NME7: variants seen among roughly 807,000 people sequenced by gnomAD.
NME7 encodes the protein nucleoside diphosphate kinase 7.
In NME7, 41 loss-of-function variants were observed where a neutral mutation model predicts 49.1. The observed-to-expected ratio is 0.83, with a 90% CI of 0.65 to 1.08. The LOEUF (loss-of-function observed/expected upper bound fraction) is 1.08, where lower values mean the gene tolerates loss of function less well. Ranked by LOEUF, NME7 falls within the 50% of genes least tolerant of loss-of-function variation. The probability of loss-of-function intolerance (pLI) is 0.00; values close to 1 mark genes in which losing one functional copy is unlikely to be tolerated. For missense variants in NME7, 423 were observed against 463.4 expected (o/e 0.91, Z 0.80); for synonymous variants, 139 against 150.6 (o/e 0.92, Z 0.56).
intron 4 of NME7, among the ~76,000 whole-genome samples, chr1:169,306,430 G>A (rs756505464): frequency 6.6e-5 from 10 of 152,140 alleles, no homozygotes; most frequent in Non-Finnish European, 1.2e-4. Context: ...AGCCTATGTT[G>A]ATACGTTGAA....
intron 7 of NME7, among the ~76,000 whole-genome samples, chr1:169,258,403 T>C (rs2901033): frequency 0.012 from 857 of 68,564 alleles, 44 homozygotes; most frequent in African/African-American, 0.042. Context: ...TATATATATA[T>C]ATACACACAC....
chr1:169,154,796 TAAA>T (rs762299673), intron 11 of NME7, among the ~76,000 whole-genome samples: 1 of 134,610 alleles, frequency 7.4e-6, no homozygotes. Context: ...AGACTCTGTC[TAAA>T]AAAAAAAAAA....
At chr1:169,160,601 A>G (rs1382178605) in intron 11 of NME7, among the ~76,000 whole-genome samples, 1 of 152,208 alleles carries the variant, frequency 6.6e-6, no homozygotes, top group African/African-American at 2.4e-5. Flanking sequence ...GAGTCACACT[A>G]AATAGGTTAA....
chr1:169,227,232 G>A (rs1004467924), intron 10 of NME7, among the ~76,000 whole-genome samples: 2 of 152,180 alleles, frequency 1.3e-5, no homozygotes, highest in South Asian at 2.1e-4. Context: ...CATTCCTTGC[G>A]CTGAACATTA....
At chr1:169,226,619 T>C (rs1481247695) in intron 10 of NME7, among the ~76,000 whole-genome samples, 1 of 152,206 alleles carries the variant, frequency 6.6e-6, no homozygotes, top group East Asian at 1.9e-4. Context: ...CTCAGGAGTC[T>C]GAGACACAAG....
chr1:169,239,078 A>T (rs1264694031), intron 7 of NME7, among the ~76,000 whole-genome samples: 1 of 152,050 alleles, frequency 6.6e-6, no homozygotes, highest in Non-Finnish European at 1.5e-5. Context: ...AAACACTGCC[A>T]AAAGAAATGA....
At chr1:169,351,706 G>A (rs1653179163) in intron 1 of NME7, among the ~76,000 whole-genome samples, 1 of 151,142 alleles carries the variant, frequency 6.6e-6, no homozygotes, top group African/African-American at 2.4e-5. Context: ...TAGACAGAAG[G>A]CCCAAACAAA....
chr1:169,361,534 G>C (rs951162719), intron 1 of NME7, among the ~76,000 whole-genome samples: 2 of 152,164 alleles, frequency 1.3e-5, no homozygotes, highest in Non-Finnish European at 2.9e-5. Context: ...AATCCCAGCA[G>C]TTTGGAAGGC....
At chr1:169,228,162 T>A (rs1424409343) in intron 10 of NME7, among the ~76,000 whole-genome samples, 10 of 152,044 alleles carry the variant, frequency 6.6e-5, no homozygotes. Flanking sequence ...TCCTGCCTTA[T>A]CCTCCCAAAA....
chr1:169,224,056 A>T (rs1433153724), intron 10 of NME7, among the ~76,000 whole-genome samples: 1 of 152,134 alleles, frequency 6.6e-6, no homozygotes, highest in Non-Finnish European at 1.5e-5. Flanking sequence ...CATATCTGTC[A>T]TCATCTATTC....
intron 1 of NME7, among the ~76,000 whole-genome samples, chr1:169,336,921 T>C (rs2101955627): frequency 6.6e-6 from 1 of 152,180 alleles, no homozygotes; most frequent in African/African-American, 2.4e-5. Context: ...TTGAGCTAGA[T>C]ACAGAGTGCC....
chr1:169,156,025 T>C (rs1199934550), intron 11 of NME7, among the ~76,000 whole-genome samples: 1 of 151,966 alleles, frequency 6.6e-6, no homozygotes, highest in Non-Finnish European at 1.5e-5. Context: ...TCCGTATTTT[T>C]AAAAAGCCCA....
chr1:169,235,544 C>A (rs1647823911), intron 8 of NME7, among the ~76,000 whole-genome samples: 1 of 151,972 alleles, frequency 6.6e-6, no homozygotes, highest in South Asian at 2.1e-4. Flanking sequence ...AGCAGTCTGA[C>A]CCCATTGATA....
chr1:169,349,732 A>G (rs1389448519), intron 1 of NME7, among the ~76,000 whole-genome samples: 1 of 152,166 alleles, frequency 6.6e-6, no homozygotes, highest in African/African-American at 2.4e-5. Context: ...CAAATTTTCC[A>G]AAATTAAGTC....
chr1:169,298,592 T>A lies in NME7; in HGVS notation c.612A>T (p.Ala204=), dbSNP rs745878837. 2.0e-5 allele frequency: 32 copies of A among 1,613,856 alleles called. No individual in the cohort carries two copies. Among genetic ancestry groups the A allele is most frequent in the Non-Finnish European group, 1.0e-5 (12 of 1,179,898 alleles). ...AAGCAAAAGAATCAGGGCCATGCGC[T>A]GCATTTCTTATGCCATCTGTTCCAA... is the stretch of plus-strand genomic sequence containing the variant. The part of the protein sequence containing the change: ...ALFGTDGIRN[A]AHGPDSFASA... The change falls in exon 6 of 12, where the codon GCA becomes GCT. Residue 204 remains alanine (A), a synonymous_variant. Coordinates refer to ENST00000367811, the MANE Select transcript of NME7 (RefSeq NM_013330.5).
intron 10 of NME7, among the ~76,000 whole-genome samples, chr1:169,193,817 A>G (rs1319205794): frequency 2.0e-5 from 3 of 152,216 alleles, no homozygotes; most frequent in Non-Finnish European, 4.4e-5. Flanking sequence ...GAACATATTT[A>G]TTCTAAGAAT....
chr1:169,254,355 G>T (rs1317937999), intron 7 of NME7, among the ~76,000 whole-genome samples: 2 of 151,990 alleles, frequency 1.3e-5, no homozygotes, highest in Non-Finnish European at 2.9e-5. Context: ...TTGCGTAGAG[G>T]TGTTTGTAGT....
chr1:169,153,495 A>AT (rs560330141), intron 11 of NME7, among the ~76,000 whole-genome samples: 77 of 152,090 alleles, frequency 5.1e-4, no homozygotes, highest in Non-Finnish European at 6.9e-4. Flanking sequence ...TTCAAATACC[A>AT]TTTCATTAAA....
At chr1:169,230,987 A>G (rs1235340578) in intron 9 of NME7, among the ~76,000 whole-genome samples, 168 bp from the exon 10 acceptor site, 1 of 152,196 alleles carries the variant, frequency 6.6e-6, no homozygotes, top group African/African-American at 2.4e-5. Flanking sequence ...TCCTTGAAGA[A>G]TATTTTTTAG....
Sources: gnomAD v4.1 joint callset for allele counts (sites outside exome capture counted in the v4.1 genomes callset) on GRCh38, gnomAD v4.1.1 for gene constraint, MANE v1.5 for transcripts, NCBI Gene and HGNC (gene_info 2026-07-23, HGNC 2026-07-21) for gene names.